Variants in NPAS3 observed in about 807,000 individuals in gnomAD.
NPAS3 encodes the protein neuronal PAS domain protein 3, also known as neuronal PAS domain-containing protein 3.
NPAS3 carries 14 observed loss-of-function variants against 73.1 expected under a neutral mutation model. The ratio of observed to expected loss-of-function variants is 0.19; its 90% CI spans 0.13 to 0.30. The LOEUF is 0.30. Among genes scored for constraint, NPAS3 ranks in the 10% least tolerant of loss-of-function variants. The pLI, the probability that NPAS3 is intolerant of heterozygous loss-of-function variation, is 1.00. For synonymous variants in NPAS3, 620 were observed against 541.5 expected, an observed-to-expected ratio of 1.14 and a Z score of -2.01; for missense variants, 1,096 against 1,250.0, an observed-to-expected ratio of 0.88 and a Z score of 1.86.
At chr14:33,663,390 C>A (rs2059364584) in intron 5 of NPAS3, among the ~76,000 whole-genome samples, 1 of 151,852 alleles carries the variant, frequency 6.6e-6, no homozygotes, top group African/African-American at 2.4e-5. Context: ...GTATGTTGAA[C>A]CAGCCTTGCA....
chr14:33,659,759 A>C (rs1019426234), intron 5 of NPAS3, among the ~76,000 whole-genome samples: 4 of 152,138 alleles, frequency 2.6e-5, no homozygotes, highest in Non-Finnish European at 5.9e-5. Flanking sequence ...CATTAGAGTG[A>C]TAATGACTCA....
At chr14:33,617,144 G>A (rs952911819) in intron 5 of NPAS3, among the ~76,000 whole-genome samples, 7 of 152,178 alleles carry the variant, frequency 4.6e-5, no homozygotes, top group African/African-American at 1.4e-4. Flanking sequence ...TTTAGGAATA[G>A]CCTCGGGGAG....
intron 2 of NPAS3, among the ~76,000 whole-genome samples, chr14:33,081,461 T>G (rs1289697110): frequency 6.6e-6 from 1 of 152,210 alleles, no homozygotes; most frequent in Non-Finnish European, 1.5e-5. Flanking sequence ...CTTCTAATTT[T>G]AGCTTGCCAC....
chr14:33,515,046 A>C (rs1458899479), intron 4 of NPAS3, among the ~76,000 whole-genome samples: 2 of 152,080 alleles, frequency 1.3e-5, no homozygotes, highest in African/African-American at 4.8e-5. Flanking sequence ...TACACAGCGA[A>C]TCTGTGACCA....
chr14:33,634,822 A>T (rs1301472815), intron 5 of NPAS3, among the ~76,000 whole-genome samples: 1 of 152,240 alleles, frequency 6.6e-6, no homozygotes, highest in Non-Finnish European at 1.5e-5. Flanking sequence ...AGCCAAAGCC[A>T]CAGGCATAGA....
At chr14:33,564,874 G>T (rs2055848238) in intron 5 of NPAS3, among the ~76,000 whole-genome samples, 1 of 152,062 alleles carries the variant, frequency 6.6e-6, no homozygotes, top group Non-Finnish European at 1.5e-5. Flanking sequence ...ATTTGTATGG[G>T]GTGATACCAT....
chr14:33,473,003 G>A lies in NPAS3; in HGVS notation c.469-87118G>A, dbSNP rs923337454. Among the ~76,000 whole-genome samples the A allele has an allele frequency of 4.9e-5, 7 of 143,450 alleles. 1 individual carries two copies. Among genetic ancestry groups the A allele is most frequent in the African/African-American group, 2.1e-4 (7 of 33,266 alleles). The allele number at this position is 143,450 out of a possible 152,430, so 94.1% of individuals were successfully genotyped here. A position where few individuals can be genotyped will look rare whatever the true frequency, so the allele number is the denominator to read the frequency against. On this transcript the variant is annotated intron_variant, in intron 4 of 11. Transcript: ENST00000356141. The stretch of plus-strand genomic sequence containing the variant: ...ATCTAAACGGAAATTTCCTGCGGGG[G>A]GAACTGTAAGCATGTTTGCTTGAGC...
intron 4 of NPAS3, among the ~76,000 whole-genome samples, chr14:33,390,390 C>CTA (rs1346683859): frequency 2.0e-5 from 3 of 152,138 alleles, no homozygotes; most frequent in Non-Finnish European, 2.9e-5. Flanking sequence ...TGATGGCTTA[C>CTA]TATATCAGGG....
At chr14:33,115,875 T>C (rs1266641046) in intron 2 of NPAS3, among the ~76,000 whole-genome samples, 1 of 152,116 alleles carries the variant, frequency 6.6e-6, no homozygotes, top group African/African-American at 2.4e-5. Flanking sequence ...ATCTCTATGA[T>C]AGATCCTTGA....
At chr14:32,961,794 G>C (rs979312616) in intron 1 of NPAS3, among the ~76,000 whole-genome samples, 4 of 152,110 alleles carry the variant, frequency 2.6e-5, no homozygotes, top group Non-Finnish European at 1.5e-5. Flanking sequence ...TCTTTTAGAA[G>C]CTATGAACTT....
chr14:33,322,638 T>A (rs1034724351), intron 3 of NPAS3, among the ~76,000 whole-genome samples: 2 of 152,150 alleles, frequency 1.3e-5, no homozygotes, highest in African/African-American at 2.4e-5. Context: ...AAATTTCTGT[T>A]TTTATAGTCC....
chr14:33,119,355 A>G (rs1488004800), intron 2 of NPAS3, among the ~76,000 whole-genome samples: 2 of 152,034 alleles, frequency 1.3e-5, no homozygotes, highest in Non-Finnish European at 2.9e-5. Flanking sequence ...GCCAATCCAC[A>G]ACTTCTCCCT....
At position 33,779,305 on chromosome 14, in the gene NPAS3, C is replaced by T. The variant is rs148798138; in HGVS notation, c.1153+733C>T. On this transcript the variant is annotated intron_variant, in intron 9 of 11. Coordinates refer to ENST00000356141, the Ensembl canonical transcript of NPAS3. ...ACACCAGCAGAACCATGCAGGACCCCGCATCCAACCGCCCTGGCTGTTCGC... is the reference window on the plus strand; with the variant it reads ...ACACCAGCAGAACCATGCAGGACCCTGCATCCAACCGCCCTGGCTGTTCGC... 5.7e-3 allele frequency among the ~76,000 whole-genome samples: 871 copies of T among 152,324 alleles called. 6 individuals carry two copies. The highest frequency in any genetic ancestry group is 0.02 in the African/African-American group (812 of 41,578).
chr14:33,343,410 C>T (rs2044579978), intron 3 of NPAS3, among the ~76,000 whole-genome samples: 1 of 152,184 alleles, frequency 6.6e-6, no homozygotes, highest in African/African-American at 2.4e-5. Context: ...GGTGCCACCT[C>T]TGCTACTATA....
At chr14:33,563,517 T>TAC (rs146854404) in intron 5 of NPAS3, among the ~76,000 whole-genome samples, 1,558 of 106,958 alleles carry the variant, frequency 0.015, 93 homozygotes, top group African/African-American at 0.056. Flanking sequence ...TACACATACA[T>TAC]ACACACACAC....
At chr14:32,995,756 C>T (rs1327775534) in intron 1 of NPAS3, among the ~76,000 whole-genome samples, 3 of 152,206 alleles carry the variant, frequency 2.0e-5, no homozygotes, top group Admixed American at 6.5e-5. Flanking sequence ...TGAGGCTTCT[C>T]CAGCCATGTG....
chr14:33,056,266 C>G (rs1014228075), intron 2 of NPAS3, among the ~76,000 whole-genome samples: 1 of 152,070 alleles, frequency 6.6e-6, no homozygotes, highest in African/African-American at 2.4e-5. Context: ...CTTAGGTAAG[C>G]TTCTTTATAT....
chr14:33,749,888 C>A (rs2061909442), intron 7 of NPAS3, among the ~76,000 whole-genome samples: 1 of 152,180 alleles, frequency 6.6e-6, no homozygotes, highest in African/African-American at 2.4e-5. Context: ...ATCTTCCTCT[C>A]CACACAGTGG....
chr14:33,666,490 A>G (rs1365986003), intron 5 of NPAS3, among the ~76,000 whole-genome samples: 1 of 152,224 alleles, frequency 6.6e-6, no homozygotes, highest in Non-Finnish European at 1.5e-5. Flanking sequence ...CCAAAAATGC[A>G]GAATGTTGGC....
Sources: gnomAD v4.1 joint callset for allele counts (sites outside exome capture counted in the v4.1 genomes callset) on GRCh38, gnomAD v4.1.1 for gene constraint, MANE v1.5 for transcripts, NCBI Gene and HGNC (gene_info 2026-07-23, HGNC 2026-07-21) for gene names.